The following XRN2 variants were observed in gnomAD, a reference collection of about 807,000 sequenced individuals.
XRN2 encodes DHM1-like protein.
In XRN2, 44 loss-of-function variants were observed where a neutral mutation model predicts 138.5. The observed-to-expected ratio is 0.32, with a 90% CI of 0.25 to 0.41. XRN2 has a LOEUF of 0.41. Ranked by LOEUF, XRN2 falls within the 10% of genes least tolerant of loss-of-function variation. The pLI is 1.00. For synonymous variants in XRN2, 354 were observed against 369.4 expected, an observed-to-expected ratio of 0.96 and a Z score of 0.48; for missense variants, 937 against 1,169.3, an observed-to-expected ratio of 0.80 and a Z score of 2.90.
At chr20:21,338,339 A>C (rs10485627) in intron 13 of XRN2, among the ~76,000 whole-genome samples, 11,877 of 152,204 alleles carry the variant, frequency 0.078, 1,298 homozygotes, top group African/African-American at 0.23. Context: ...AATTCTGTCT[A>C]GTTGAAACCA....
chr20:21,377,158 A>G (rs978737915), intron 27 of XRN2, among the ~76,000 whole-genome samples: 9 of 152,034 alleles, frequency 5.9e-5, no homozygotes, highest in Admixed American at 1.3e-4. Flanking sequence ...AATGGTCATT[A>G]AAGTATGATA....
chr20:21,331,350 C>T (rs535979009), intron 6 of XRN2, among the ~76,000 whole-genome samples: 1 of 151,978 alleles, frequency 6.6e-6, no homozygotes, highest in South Asian at 2.1e-4. Flanking sequence ...CACACACACA[C>T]ACCCCTTCTT....
chr20:21,321,079 G>A (rs539602123), intron 1 of XRN2, among the ~76,000 whole-genome samples: 10 of 152,160 alleles, frequency 6.6e-5, no homozygotes, highest in East Asian at 1.9e-4. Context: ...GCAGTAGTGC[G>A]ATCTTGGCCC....
rs765310476 is a variant in XRN2 at position 21,339,021 on chromosome 20, A to C, written c.1234-23A>C. The C allele has an allele frequency of 1.9e-6, 3 of 1,588,450 alleles. No homozygotes were observed. In the East Asian group the frequency reaches 6.7e-5, roughly 36 times the overall value. On this transcript the variant is annotated intron_variant, in intron 13 of 29. Transcript: ENST00000377191. Reference sequence around the variant, plus strand: ...CATTTTTGTGTAATTATTTGACAGAATATGTGGATTTTATACTTTTAGGAC... The same window carrying C: ...CATTTTTGTGTAATTATTTGACAGACTATGTGGATTTTATACTTTTAGGAC...
chr20:21,388,157 C>T (rs1374328000), intron 29 of XRN2, among the ~76,000 whole-genome samples: 2 of 152,124 alleles, frequency 1.3e-5, no homozygotes, highest in African/African-American at 4.8e-5. Context: ...GTAGTCTAGT[C>T]ACCTCATTTT....
chr20:21,379,710 A>G (rs976086836), intron 27 of XRN2, among the ~76,000 whole-genome samples: 3 of 152,178 alleles, frequency 2.0e-5, no homozygotes, highest in Non-Finnish European at 2.9e-5. Context: ...AACTAGTTGT[A>G]TAGGTTAGAC....
At chr20:21,340,958 T>C (rs2038364699) in intron 15 of XRN2, 106 bp downstream of exon 15, 6 of 1,312,120 alleles carry the variant, frequency 4.6e-6, no homozygotes, top group Non-Finnish European at 5.3e-6. Flanking sequence ...TTTTGTTTTA[T>C]AGTTTTTCTT....
At chr20:21,324,564 C>G (rs1426599243) in intron 1 of XRN2, among the ~76,000 whole-genome samples, 1 of 149,768 alleles carries the variant, frequency 6.7e-6, no homozygotes, top group East Asian at 2.0e-4. Flanking sequence ...TCACTTGCAT[C>G]TCACAAGTAT....
chr20:21,362,496 A>AAT (rs2038648731), intron 24 of XRN2, among the ~76,000 whole-genome samples: 1 of 152,026 alleles, frequency 6.6e-6, no homozygotes, highest in Non-Finnish European at 1.5e-5. Context: ...TTCCCATCCA[A>AAT]GATGTGTGTC....
At chr20:21,367,268 A>G (rs1239754920) in intron 26 of XRN2, among the ~76,000 whole-genome samples, 1 of 152,236 alleles carries the variant, frequency 6.6e-6, no homozygotes, top group Non-Finnish European at 1.5e-5. Context: ...CTTGTAAACA[A>G]TAACAGGTAA....
At position 21,326,689 on chromosome 20, in the gene XRN2, A is replaced by G. The variant is rs2038133579; in HGVS notation, c.315+88A>G. 3.9e-6 allele frequency: 4 copies of G among 1,031,976 alleles called. No individual in the cohort carries two copies. The South Asian group carries it at 6.2e-5, about 16-fold the overall frequency. 63.9% of individuals were successfully genotyped at this position (1,031,976 alleles called of 1,614,324 possible). A position where few individuals can be genotyped will look rare whatever the true frequency, so the allele number is the denominator to read the frequency against. ...GAATGAAAGTCAGCTAAATAATGAA[A>G]AATGTTGACAGTGATGAACTTGAGA... On this transcript the variant is annotated intron_variant, in intron 3 of 29. Transcript: ENST00000377191.
chr20:21,360,683 G>A (rs1425657226), intron 24 of XRN2, among the ~76,000 whole-genome samples: 1 of 151,772 alleles, frequency 6.6e-6, no homozygotes, highest in Non-Finnish European at 1.5e-5. Flanking sequence ...ATGTGAATGT[G>A]TATGGAGATG....
intron 27 of XRN2, among the ~76,000 whole-genome samples, chr20:21,374,218 A>G (rs981421585): frequency 2.0e-5 from 3 of 152,088 alleles, no homozygotes; most frequent in Admixed American, 6.6e-5. Context: ...AATAGTTTAT[A>G]TGTTCTTTGA....
At chr20:21,377,278 TGGTCAGTCTTGC>T (rs2038835511) in intron 27 of XRN2, among the ~76,000 whole-genome samples, 2 of 145,448 alleles carry the variant, frequency 1.4e-5, no homozygotes, top group Non-Finnish European at 1.5e-5. Flanking sequence ...TTTTTTTTTT[TGGTCAGTCTTGC>T]TTTGCCACCC....
At chr20:21,312,001 C>CA (rs1283591209) in intron 1 of XRN2, among the ~76,000 whole-genome samples, 3 of 151,740 alleles carry the variant, frequency 2.0e-5, no homozygotes, top group Non-Finnish European at 2.9e-5. Flanking sequence ...TCTCAAAAGA[C>CA]AAAAAAAGAT....
intron 29 of XRN2, 100 bp downstream of exon 29, chr20:21,387,106 G>A: frequency 2.7e-6 from 4 of 1,479,430 alleles, no homozygotes; most frequent in Non-Finnish European, 3.6e-6. Flanking sequence ...AGAAGACACT[G>A]ATAGAGTAGC....
At chr20:21,319,066 G>A (rs1488633835) in intron 1 of XRN2, among the ~76,000 whole-genome samples, 2 of 152,024 alleles carry the variant, frequency 1.3e-5, no homozygotes, top group Non-Finnish European at 2.9e-5. Flanking sequence ...CTGTTATTAG[G>A]TGCACCTGTA....
intron 9 of XRN2, among the ~76,000 whole-genome samples, chr20:21,332,814 C>T (rs976817951): frequency 2.6e-5 from 4 of 152,180 alleles, no homozygotes; most frequent in African/African-American, 9.7e-5. Context: ...GCTTAGTTCC[C>T]ATAGATAATA....
chr20:21,359,128 A>G (rs948163324), intron 24 of XRN2, among the ~76,000 whole-genome samples: 9 of 152,210 alleles, frequency 5.9e-5, no homozygotes, highest in Non-Finnish European at 1.3e-4. Flanking sequence ...TACAGAGTTA[A>G]TGGAAACATT....
Sources: gnomAD v4.1 joint callset for allele counts (sites outside exome capture counted in the v4.1 genomes callset) on GRCh38, gnomAD v4.1.1 for gene constraint, MANE v1.5 for transcripts, NCBI Gene and HGNC (gene_info 2026-07-23, HGNC 2026-07-21) for gene names.